Variants in MACROD2 observed in about 807,000 individuals in gnomAD.
MACROD2 encodes the protein ADP-ribose glycohydrolase MACROD2.
In MACROD2, 36 loss-of-function variants were observed where a neutral mutation model predicts 70.4. The ratio of observed to expected loss-of-function variants is 0.51; its 90% confidence interval spans 0.39 to 0.68. The LOEUF (loss-of-function observed/expected upper bound fraction) is 0.68. Among genes scored for constraint, MACROD2 ranks in the 30% least tolerant of loss-of-function variants. The probability of loss-of-function intolerance (pLI) is 0.00; values close to 1 mark genes in which losing one functional copy is unlikely to be tolerated. For synonymous variants in MACROD2, 172 were observed against 178.8 expected, an observed-to-expected ratio of 0.96 and a Z score of 0.30; for missense variants, 496 against 538.4, an observed-to-expected ratio of 0.92 and a Z score of 0.78.
intron 15 of MACROD2, among the ~76,000 whole-genome samples, chr20:15,998,021 C>A (rs2066656009): frequency 6.6e-6 from 1 of 152,186 alleles, no homozygotes; most frequent in Non-Finnish European, 1.5e-5. Flanking sequence ...ATATGTTGAA[C>A]CATCCTTGAA....
At chr20:14,483,484 G>T (rs982305121) in intron 3 of MACROD2, among the ~76,000 whole-genome samples, 2 of 151,870 alleles carry the variant, frequency 1.3e-5, no homozygotes, top group Non-Finnish European at 1.5e-5. Context: ...TTGGCTCACC[G>T]CAACCTCCAC....
At chr20:14,179,928 T>A (rs2081293023) in intron 3 of MACROD2, among the ~76,000 whole-genome samples, 1 of 152,140 alleles carries the variant, frequency 6.6e-6, no homozygotes, top group Admixed American at 6.6e-5. Context: ...TAAATATAAA[T>A]AAGATATAAT....
intron 7 of MACROD2, among the ~76,000 whole-genome samples, chr20:15,462,110 C>T (rs1329928542): frequency 6.6e-6 from 1 of 152,034 alleles, no homozygotes; most frequent in South Asian, 2.1e-4. Context: ...GTAAGAGCTA[C>T]GTGGAATCTA....
intron 10 of MACROD2, among the ~76,000 whole-genome samples, chr20:15,916,399 G>A (rs1320774385): frequency 6.6e-6 from 1 of 152,208 alleles, no homozygotes; most frequent in African/African-American, 2.4e-5. Flanking sequence ...AAAGGACATA[G>A]CATCACTTTG....
chr20:15,042,443 C>T (rs1226500354), intron 5 of MACROD2, among the ~76,000 whole-genome samples: 1 of 152,150 alleles, frequency 6.6e-6, no homozygotes, highest in Non-Finnish European at 1.5e-5. Context: ...AGTATAGCAT[C>T]CTACAGCAGA....
At chr20:14,191,765 G>A (rs1361200408) in intron 3 of MACROD2, among the ~76,000 whole-genome samples, 4 of 152,234 alleles carry the variant, frequency 2.6e-5, no homozygotes, top group African/African-American at 9.6e-5. Flanking sequence ...GTGTGTGTAT[G>A]CTTGGCATGT....
intron 2 of MACROD2, among the ~76,000 whole-genome samples, chr20:14,023,251 T>C (rs1033817053): frequency 1.3e-5 from 2 of 152,190 alleles, no homozygotes; most frequent in African/African-American, 4.8e-5. Flanking sequence ...GATGGGGTTG[T>C]TTCTTTCTTG....
At chr20:15,478,553 CTG>C (rs11467421) in intron 7 of MACROD2, among the ~76,000 whole-genome samples, 124,800 of 150,172 alleles carry the variant, frequency 0.83, 51,999 homozygotes, top group East Asian at 0.98. Flanking sequence ...GTGTGTGTGT[CTG>C]TGTGTGTGTG....
chr20:14,965,503 C>A (rs2074627093), intron 5 of MACROD2, among the ~76,000 whole-genome samples: 1 of 140,512 alleles, frequency 7.1e-6, no homozygotes, highest in South Asian at 2.3e-4. Flanking sequence ...CTCAGTCCCC[C>A]AGGCTGGAGT....
At chr20:16,006,688 G>C (rs2066793171) in intron 15 of MACROD2, among the ~76,000 whole-genome samples, 1 of 152,184 alleles carries the variant, frequency 6.6e-6, no homozygotes, top group Non-Finnish European at 1.5e-5. Context: ...CCCTCGAATT[G>C]GGTGATGTGT....
At chr20:14,829,382 G>A (rs1022753421) in intron 5 of MACROD2, among the ~76,000 whole-genome samples, 2 of 151,604 alleles carry the variant, frequency 1.3e-5, no homozygotes, top group African/African-American at 2.4e-5. Context: ...CACCCGCCTC[G>A]GCCTCCCAAA....
chr20:14,882,784 C>T (rs992552188), intron 5 of MACROD2, among the ~76,000 whole-genome samples: 1 of 26,306 alleles, frequency 3.8e-5, no homozygotes, highest in South Asian at 1.2e-3. Context: ...GCATTATCTC[C>T]ATTTTTTTTA....
At chr20:14,251,216 A>C (rs986796020) in intron 3 of MACROD2, among the ~76,000 whole-genome samples, 3 of 152,106 alleles carry the variant, frequency 2.0e-5, no homozygotes, top group African/African-American at 7.2e-5. Context: ...TGCACTGTAC[A>C]GTGTACTTTT....
At chr20:15,824,168 T>C (rs1432228556) in intron 8 of MACROD2, among the ~76,000 whole-genome samples, 2 of 152,088 alleles carry the variant, frequency 1.3e-5, no homozygotes, top group African/African-American at 4.8e-5. Context: ...CTTACCAAGC[T>C]GGGGGTTGGG....
intron 8 of MACROD2, among the ~76,000 whole-genome samples, chr20:15,806,067 G>C (rs1025262404): frequency 6.6e-6 from 1 of 152,194 alleles, no homozygotes; most frequent in Non-Finnish European, 1.5e-5. Flanking sequence ...GATATAGTCA[G>C]TATTTCATAT....
chr20:14,385,367 C>G (rs2083458525), intron 3 of MACROD2, among the ~76,000 whole-genome samples: 1 of 152,110 alleles, frequency 6.6e-6, no homozygotes, highest in African/African-American at 2.4e-5. Flanking sequence ...ACATTAACTT[C>G]CATTAACTCT....
chr20:15,060,767 A>G (rs2075526243), intron 5 of MACROD2, among the ~76,000 whole-genome samples: 1 of 152,236 alleles, frequency 6.6e-6, no homozygotes, highest in Non-Finnish European at 1.5e-5. Flanking sequence ...GCATTATGCA[A>G]TAGACTGTGC....
In MACROD2 at chr20:14,173,299, T is replaced by C. The variant is rs75118988; in HGVS notation, c.271+87571T>C. Among the ~76,000 whole-genome samples the C allele has an allele frequency of 9.7e-3, 1,485 of 152,310 alleles. 28 individuals carry two copies. The highest frequency in any genetic ancestry group is 0.05 in the East Asian group (260 of 5,178). On this transcript the variant is annotated intron_variant, in intron 3 of 17. Coordinates refer to ENST00000684519, the MANE Select transcript of MACROD2 (RefSeq NM_001351661.2). ...TATTCTTAGGTTTGGTCATTCAACT[T>C]CTTAAAGTCTTTGTTCATTTTTCTT...
At chr20:14,590,106 T>G (rs1981665472) in intron 4 of MACROD2, among the ~76,000 whole-genome samples, 1 of 152,198 alleles carries the variant, frequency 6.6e-6, no homozygotes. Flanking sequence ...CTATATCTTT[T>G]GGTAACTCTT....
Sources: allele counts gnomAD v4.1 joint callset (sites outside exome capture counted in the v4.1 genomes callset), GRCh38; gene constraint gnomAD v4.1.1; transcripts MANE v1.5; gene names NCBI Gene and HGNC (gene_info 2026-07-23, HGNC 2026-07-21).